The following IAPP variants were observed in gnomAD, a reference collection of about 807,000 sequenced individuals.
IAPP encodes Islet amyloid polypeptide (diabetes-associated peptide; amylin).
IAPP carries 4 observed loss-of-function variants against 2.9 expected under a neutral mutation model. The ratio of observed to expected loss-of-function variants is 1.39; its 90% CI spans 0.69 to 3.19. The LOEUF is 3.19. Among genes scored for constraint, IAPP ranks in the 30% most tolerant of loss-of-function variants. The probability of loss-of-function intolerance (pLI) is 0.01; values close to 1 mark genes in which losing one functional copy is unlikely to be tolerated. For synonymous variants in IAPP, 40 were observed against 42.1 expected, an observed-to-expected ratio of 0.95 and a Z score of 0.19; for missense variants, 114 against 105.3, an observed-to-expected ratio of 1.08 and a Z score of -0.36.
At chr12:21,362,880 C>T (rs1939040641) in intron 1 of IAPP, among the ~76,000 whole-genome samples, 2 of 152,120 alleles carry the variant, frequency 1.3e-5, no homozygotes, top group South Asian at 4.1e-4. Flanking sequence ...TACAGGAGCA[C>T]CCAGATTCAT....
intron 1 of IAPP, among the ~76,000 whole-genome samples, chr12:21,361,092 G>A (rs992100249): frequency 1.3e-5 from 2 of 152,208 alleles, no homozygotes; most frequent in African/African-American, 4.8e-5. Flanking sequence ...GCCTCCTCAA[G>A]TGGGTCCCTG....
chr12:21,361,572 G>A (rs1439366512), intron 1 of IAPP, among the ~76,000 whole-genome samples: 2 of 152,172 alleles, frequency 1.3e-5, no homozygotes, highest in Non-Finnish European at 2.9e-5. Flanking sequence ...GGCTTCAGAA[G>A]ATTGGTAATA....
chr12:21,367,398 C>T (rs1028202926), intron 1 of IAPP, among the ~76,000 whole-genome samples: 4 of 151,920 alleles, frequency 2.6e-5, no homozygotes, highest in Admixed American at 6.6e-5. Flanking sequence ...AAAACAACTA[C>T]GTAGCAATCC....
chr12:21,371,372 G>A (rs114193563), upstream of IAPP, among the ~76,000 whole-genome samples: 2,818 of 151,414 alleles, frequency 0.019, 96 homozygotes, highest in African/African-American at 0.064. Context: ...ATCTTCTTAC[G>A]GAAATGCATT....
In IAPP at chr12:21,378,661, T is replaced by C. The variant is rs750457021; in HGVS notation, c.*235T>C. On this transcript the variant is annotated 3_prime_UTR_variant, in exon 3 of 3. Coordinates refer to ENST00000240652, the MANE Select transcript of IAPP (RefSeq NM_000415.3). ...TGCTATAGATTTGTATTTTAAAACA[T>C]AAGAACGTCATTTTGGGACCTATAT... 71 of 457,756 alleles carry C rather than the reference T, an allele frequency of 1.6e-4. No homozygotes were observed. Among genetic ancestry groups the C allele is most frequent in the Non-Finnish European group, 2.6e-4 (66 of 256,190 alleles). The allele number at this position is 457,756 out of a possible 1,614,324, so 28.4% of individuals were successfully genotyped here.
At chr12:21,355,224 T>C (rs1938271978) in intron 1 of IAPP, among the ~76,000 whole-genome samples, 1 of 152,194 alleles carries the variant, frequency 6.6e-6, no homozygotes, top group African/African-American at 2.4e-5. Flanking sequence ...ACGACCTTTA[T>C]AGAGTAGAAT....
At chr12:21,370,234 A>G (rs1939678996), upstream of IAPP, among the ~76,000 whole-genome samples, 10 of 152,128 alleles carry the variant, frequency 6.6e-5, no homozygotes, top group Admixed American at 6.5e-4. Context: ...AATAATAACC[A>G]CCGAAGAGGT....
chr12:21,358,624 T>C (rs943654339), intron 1 of IAPP, among the ~76,000 whole-genome samples: 1 of 152,290 alleles, frequency 6.6e-6, no homozygotes, highest in African/African-American at 2.4e-5. Flanking sequence ...GTTAATACTT[T>C]TCAATTTTTA....
intron 1 of IAPP, among the ~76,000 whole-genome samples, chr12:21,365,084 G>A (rs890457405): frequency 1.6e-4 from 25 of 152,258 alleles, no homozygotes; most frequent in Admixed American, 1.5e-3. Context: ...AGCTCTCATT[G>A]CCAATACGAT....
chr12:21,379,499 A>G lies in IAPP; in HGVS notation c.*1073A>G, dbSNP rs1354402584. ...GACTTCTGGAAACTCTTTGCTGTAT[A>G]AGAATTATTTCTTTTGTTTAACAAA... On this transcript the variant is annotated 3_prime_UTR_variant, in exon 3 of 3. Coordinates refer to ENST00000240652, the MANE Select transcript of IAPP (RefSeq NM_000415.3). The G allele has an allele frequency of 6.6e-6, 1 of 152,224 alleles. No individual in the cohort carries two copies. Among genetic ancestry groups the G allele is most frequent in the Non-Finnish European group, 1.5e-5 (1 of 68,024 alleles). 9.4% of individuals were successfully genotyped at this position (152,224 alleles called of 1,614,324 possible).
At chr12:21,358,054 C>T (rs970604384) in intron 1 of IAPP, among the ~76,000 whole-genome samples, 2 of 152,102 alleles carry the variant, frequency 1.3e-5, no homozygotes, top group African/African-American at 4.8e-5. Flanking sequence ...CTTTTCAAAA[C>T]TTTACTCACA....
intron 1 of IAPP, among the ~76,000 whole-genome samples, chr12:21,365,860 T>C (rs765198561): frequency 3.4e-4 from 52 of 152,196 alleles, no homozygotes; most frequent in Admixed American, 1.0e-3. Context: ...TACCATCTCA[T>C]GCCAGTTAGA....
chr12:21,375,136 G>A (rs1362614731), intron 2 of IAPP, among the ~76,000 whole-genome samples: 1 of 152,036 alleles, frequency 6.6e-6, no homozygotes, highest in African/African-American at 2.4e-5. Context: ...TTTTATAGAT[G>A]TTTGTTTATT....
chr12:21,365,347 T>C (rs1303846606), intron 1 of IAPP, among the ~76,000 whole-genome samples: 2 of 152,176 alleles, frequency 1.3e-5, no homozygotes, highest in African/African-American at 2.4e-5. Flanking sequence ...TAGCCATATG[T>C]AGAAAGCTGA....
intron 2 of IAPP, among the ~76,000 whole-genome samples, chr12:21,375,900 CAATGAGAAAAA>C (rs11269500): frequency 0.17 from 25,697 of 151,894 alleles, 2,220 homozygotes; most frequent in Non-Finnish European, 0.18. Flanking sequence ...TCCAGGTAGT[CAATGAGAAAAA>C]AATGCCTGAA....
chr12:21,365,178 G>A lies in IAPP; in HGVS notation c.-15-8159G>A, dbSNP rs983239293. On this transcript the variant is annotated intron_variant, in intron 1 of 2. Transcript: ENST00000539393. ...AAGGCTACAGTAACCAAAACAGCAT[G>A]GTACTGGTACCAAAACAGAGATATA... 3.3e-5 allele frequency among the ~76,000 whole-genome samples: 5 copies of A among 152,128 alleles called. No individual in the cohort carries two copies. The East Asian group carries it at 9.6e-4, about 29-fold the overall frequency.
upstream of IAPP, among the ~76,000 whole-genome samples, chr12:21,370,403 T>C (rs1216509303): frequency 3.3e-5 from 5 of 151,710 alleles, no homozygotes; most frequent in Non-Finnish European, 7.4e-5. Flanking sequence ...TATATATACA[T>C]GTGCCATGTT....
chr12:21,370,371 C>T (rs1939689495), upstream of IAPP, among the ~76,000 whole-genome samples: 1 of 151,698 alleles, frequency 6.6e-6, no homozygotes. Flanking sequence ...GGTACATGTG[C>T]ATAACGTGCA....
chr12:21,357,690 C>T (rs963583532), intron 1 of IAPP, among the ~76,000 whole-genome samples: 9 of 151,986 alleles, frequency 5.9e-5, no homozygotes, highest in Non-Finnish European at 8.8e-5. Context: ...TCTAACTCAG[C>T]GATTATTTTT....
Sources: gnomAD v4.1 joint callset for allele counts (sites outside exome capture counted in the v4.1 genomes callset) on GRCh38, gnomAD v4.1.1 for gene constraint, MANE v1.5 for transcripts, NCBI Gene and HGNC (gene_info 2026-07-23, HGNC 2026-07-21) for gene names.